The following LRSAM1 variants were observed in gnomAD, a reference collection of about 807,000 sequenced individuals.
LRSAM1 encodes the protein E3 ubiquitin-protein ligase LRSAM1.
A neutral mutation model predicts 118.1 loss-of-function variants in LRSAM1; 96 were observed. The ratio of observed to expected loss-of-function variants is 0.81; its 90% confidence interval spans 0.69 to 0.96. The LOEUF is 0.96. LRSAM1 is among the 40% of genes least tolerant of loss of function. The probability of loss-of-function intolerance (pLI) is 0.00; values close to 1 mark genes in which losing one functional copy is unlikely to be tolerated. For synonymous variants in LRSAM1, 322 were observed against 364.2 expected, an observed-to-expected ratio of 0.88 and a Z score of 1.32; for missense variants, 804 against 915.5, an observed-to-expected ratio of 0.88 and a Z score of 1.57.
At chr9:127,491,141 C>T (rs940474900) in intron 19 of LRSAM1, 74 bp from the exon 20 acceptor site, 2 of 1,306,868 alleles carry the variant, frequency 1.5e-6, no homozygotes, top group Admixed American at 1.7e-5. Flanking sequence ...CACTTGGTCA[C>T]CAGAGAGTAG....
intron 10 of LRSAM1, among the ~76,000 whole-genome samples, chr9:127,472,611 A>G (rs1835214383): frequency 1.3e-5 from 2 of 152,190 alleles, no homozygotes; most frequent in Non-Finnish European, 2.9e-5. Context: ...ACTGCACTCC[A>G]GCCTGGGTGA....
At chr9:127,482,303 C>T (rs951421019) in intron 15 of LRSAM1, among the ~76,000 whole-genome samples, 10 of 151,932 alleles carry the variant, frequency 6.6e-5, no homozygotes, top group Admixed American at 2.6e-4. Flanking sequence ...CCACCAGGTC[C>T]GGCTGATTTT....
At chr9:127,496,264 C>T (rs555147792) in intron 23 of LRSAM1, among the ~76,000 whole-genome samples, 169 bp downstream of exon 23, 1 of 152,376 alleles carries the variant, frequency 6.6e-6, no homozygotes, top group Admixed American at 6.5e-5. Context: ...CTGCCCCAGC[C>T]GCCTGTGTGT....
At chr9:127,480,068 C>T in intron 14 of LRSAM1, 90 bp downstream of exon 14, 1 of 1,566,026 alleles carries the variant, frequency 6.4e-7, no homozygotes, top group African/African-American at 1.3e-5. Context: ...CCCTCACTGC[C>T]TCTGCCCCTG....
In LRSAM1 at chr9:127,466,763, A is replaced by G. The variant is rs1834967317; in HGVS notation, c.529-977A>G. On this transcript the variant is annotated intron_variant, in intron 9 of 25. Transcript: ENST00000300417. ...GTGTATGACTCACACCTGTAATTCC[A>G]GCACTTTGGGAGGCGGGCGAATTGC... is the stretch of plus-strand genomic sequence containing the variant. 2.6e-5 allele frequency among the ~76,000 whole-genome samples: 4 copies of G among 151,986 alleles called. 1 individual carries two copies. In the South Asian group the frequency reaches 6.2e-4, roughly 24 times the overall value.
At chr9:127,495,542 C>A in intron 22 of LRSAM1, 124 bp downstream of exon 22, 2 of 812,942 alleles carry the variant, frequency 2.5e-6, no homozygotes, top group Admixed American at 2.0e-5. Flanking sequence ...ATGCCAGATC[C>A]TGTGCCAAGC....
At chr9:127,483,113 G>A in intron 16 of LRSAM1, 93 bp downstream of exon 16, 1 of 1,211,418 alleles carries the variant, frequency 8.3e-7, no homozygotes, top group Non-Finnish European at 1.2e-6. Context: ...TGCATGGAGG[G>A]CCCTGAGTGT....
At chr9:127,469,963 T>C (rs1835108108) in intron 10 of LRSAM1, among the ~76,000 whole-genome samples, 2 of 151,856 alleles carry the variant, frequency 1.3e-5, no homozygotes, top group South Asian at 4.1e-4. Context: ...AGACTCCATC[T>C]CAAAAAAATA....
chr9:127,467,293 TA>T (rs2132029547), intron 9 of LRSAM1, among the ~76,000 whole-genome samples: 1 of 152,304 alleles, frequency 6.6e-6, no homozygotes, highest in Admixed American at 6.5e-5. Flanking sequence ...TGCAGGGGCT[TA>T]AACTATCACA....
At chr9:127,496,123 G>A (rs771900685) in intron 23 of LRSAM1, 28 bp downstream of exon 23, 5 of 1,604,222 alleles carry the variant, frequency 3.1e-6, no homozygotes, top group Non-Finnish European at 4.2e-6. Flanking sequence ...GCATGGAGGG[G>A]AGGGGCACGC....
chr9:127,461,335 G>T (rs546701859), intron 8 of LRSAM1, 78 bp downstream of exon 8: 64 of 1,337,008 alleles, frequency 4.8e-5, no homozygotes, highest in Non-Finnish European at 6.6e-5. Context: ...AGGCTGCCCC[G>T]CCCGGGAGCC....
At chr9:127,455,700 T>G in intron 5 of LRSAM1, 80 bp downstream of exon 5, 1 of 1,386,476 alleles carries the variant, frequency 7.2e-7, no homozygotes, top group Non-Finnish European at 1.0e-6. Flanking sequence ...TGAGGAGCTG[T>G]CTTCCCGGCG....
chr9:127,495,441 C>G (rs1836092780), intron 22 of LRSAM1, 23 bp downstream of exon 22: 3 of 1,608,154 alleles, frequency 1.9e-6, no homozygotes, highest in Non-Finnish European at 2.6e-6. Flanking sequence ...GGTGCCTGTC[C>G]CGGCCAGGGA....
rs755308288 is a variant in LRSAM1 at position 127,467,745 on chromosome 9, G to A, written c.534G>A (p.Leu178=). The A allele has an allele frequency of 1.9e-6, 3 of 1,610,072 alleles. No individual in the cohort carries two copies. The highest frequency in any genetic ancestry group is 2.7e-5 in the African/African-American group (2 of 74,924). ...GGTTACCCTTGTGTCTGCAGATGCT[G>A]AGCCTTGACGCCTCGGCCATGGTCT... is the stretch of plus-strand genomic sequence containing the variant. ...MLAHVRTLEM[L]SLDASAMVYP... is the part of the protein sequence containing the mutation. The change falls in exon 10 of 26, where the codon CTG becomes CTA. Residue 178 remains leucine (L), a synonymous_variant. Coordinates refer to ENST00000300417, the MANE Select transcript of LRSAM1 (RefSeq NM_001005373.4).
chr9:127,475,123 T>C (rs1339786673), intron 11 of LRSAM1, among the ~76,000 whole-genome samples: 1 of 152,060 alleles, frequency 6.6e-6, no homozygotes, highest in Non-Finnish European at 1.5e-5. Context: ...TATGTGAAAA[T>C]TGTGCCAGTT....
chr9:127,461,852 C>CTT (rs1834759585), intron 8 of LRSAM1, among the ~76,000 whole-genome samples: 1 of 152,228 alleles, frequency 6.6e-6, no homozygotes, highest in South Asian at 2.1e-4. Context: ...CTGCAGAGTG[C>CTT]CTCTGTTTAT....
intron 24 of LRSAM1, among the ~76,000 whole-genome samples, chr9:127,499,055 CAAAA>C (rs112522307): frequency 1.5e-5 from 2 of 134,268 alleles, no homozygotes; most frequent in East Asian, 2.3e-4. Flanking sequence ...AACTCTGTCT[CAAAA>C]AAAAAAAAGA....
At chr9:127,476,419 G>A (rs908917333) in intron 11 of LRSAM1, among the ~76,000 whole-genome samples, 5 of 152,078 alleles carry the variant, frequency 3.3e-5, no homozygotes, top group East Asian at 3.9e-4. Context: ...ATAGTGGCAC[G>A]TGCCTGTGGT....
chr9:127,459,040 C>T lies in LRSAM1; in HGVS notation c.290C>T (p.Pro97Leu), dbSNP rs768791464. 2 of 1,613,822 alleles carry T rather than the reference C, an allele frequency of 1.2e-6. No individual in the cohort carries two copies. Among genetic ancestry groups the T allele is most frequent in the South Asian group, 1.1e-5 (1 of 91,084 alleles). ...CACGATAATCAGCTGACAGCCCTTC[C>T]TGACGATCTGGGGCAGCTGACTGCC... Reference protein sequence around the residue: ...DLHDNQLTALPDDLGQLTALQ... With the variant: ...DLHDNQLTALLDDLGQLTALQ... Residue 97 changes from proline to leucine, a missense_variant, in exon 7 of 26, where the codon CCT becomes CTT. Transcript: ENST00000300417.
Sources: gnomAD v4.1 joint callset for allele counts (sites outside exome capture counted in the v4.1 genomes callset) on GRCh38, gnomAD v4.1.1 for gene constraint, MANE v1.5 for transcripts, NCBI Gene and HGNC (gene_info 2026-07-23, HGNC 2026-07-21) for gene names.